Variants in MTUS2 observed in about 807,000 individuals in gnomAD.
MTUS2 encodes the protein microtubule associated scaffold protein 2.
MTUS2 carries 40 observed loss-of-function variants against 114.1 expected under a neutral mutation model. The observed-to-expected ratio is 0.35, with a 90% CI of 0.27 to 0.46. MTUS2 has a LOEUF of 0.46. Among genes scored for constraint, MTUS2 ranks in the 20% least tolerant of loss-of-function variants. The pLI is 1.00. For synonymous variants in MTUS2, 688 were observed against 672.0 expected, an observed-to-expected ratio of 1.02 and a Z score of -0.37; for missense variants, 1,679 against 1,705.4, an observed-to-expected ratio of 0.98 and a Z score of 0.27.
chr13:29,071,457 C>T (rs1357700861), intron 4 of MTUS2, among the ~76,000 whole-genome samples: 1 of 84,468 alleles, frequency 1.2e-5, no homozygotes, highest in Non-Finnish European at 2.1e-5. Context: ...ACAGAGTCTC[C>T]CTCTGTTGCC....
intron 5 of MTUS2, among the ~76,000 whole-genome samples, chr13:29,158,358 C>CCCCCCCCCCTCTTTTT: frequency 6.2e-5 from 2 of 32,050 alleles, no homozygotes; most frequent in Non-Finnish European, 1.0e-4. Context: ...GTCCACCCCG[C>CCCCCCCCCCTCTTTTT]TTTTTTTTTT....
intron 9 of MTUS2, chr13:29,476,752 T>TC (rs1880735137): frequency 6.6e-6 from 1 of 152,178 alleles, no homozygotes; most frequent in Non-Finnish European, 1.5e-5. Context: ...GGCAGCTGGA[T>TC]TAGTTATATT....
At chr13:29,006,139 G>C (rs1429360361) in intron 2 of MTUS2, among the ~76,000 whole-genome samples, 1 of 152,170 alleles carries the variant, frequency 6.6e-6, no homozygotes, top group Non-Finnish European at 1.5e-5. Context: ...GTAGGTGGAC[G>C]TGGAGCAGCT....
intron 2 of MTUS2, among the ~76,000 whole-genome samples, chr13:28,962,128 A>G (rs961707648): frequency 5.9e-5 from 9 of 151,680 alleles, no homozygotes; most frequent in African/African-American, 2.2e-4. Context: ...TCTGAAAAAT[A>G]TACATTTTTC....
At chr13:28,876,920 G>C (rs1166010758) in intron 2 of MTUS2, among the ~76,000 whole-genome samples, 3 of 151,980 alleles carry the variant, frequency 2.0e-5, no homozygotes, top group African/African-American at 7.3e-5. Flanking sequence ...TTTAATTTCT[G>C]AGTTCTATGA....
At chr13:29,077,921 A>G (rs796224256) in intron 4 of MTUS2, among the ~76,000 whole-genome samples, 6 of 152,336 alleles carry the variant, frequency 3.9e-5, no homozygotes, top group African/African-American at 1.2e-4. Context: ...AATCAATACA[A>G]AAAGGGAAAA....
chr13:29,044,244 T>C (rs1223999826), intron 4 of MTUS2, among the ~76,000 whole-genome samples: 1 of 151,688 alleles, frequency 6.6e-6, no homozygotes, highest in Non-Finnish European at 1.5e-5. Context: ...TTTCTTTAAA[T>C]ATTTAAAGAT....
At chr13:29,404,177 A>AG (rs1874574023) in intron 8 of MTUS2, among the ~76,000 whole-genome samples, 1 of 5,186 alleles carries the variant, frequency 1.9e-4, no homozygotes, top group Admixed American at 2.5e-3. Context: ...CCATCTCTAC[A>AG]AAAAAAAAAA....
At chr13:28,902,422 T>G (rs1879699157) in intron 2 of MTUS2, among the ~76,000 whole-genome samples, 1 of 152,098 alleles carries the variant, frequency 6.6e-6, no homozygotes, top group African/African-American at 2.4e-5. Context: ...ATTCAGGCAT[T>G]AAGAAATGCA....
chr13:28,937,654 T>C (rs934959979), intron 2 of MTUS2, among the ~76,000 whole-genome samples: 1 of 152,186 alleles, frequency 6.6e-6, no homozygotes, highest in African/African-American at 2.4e-5. Flanking sequence ...GTCATGGCTG[T>C]CATCCTGGCA....
chr13:29,402,894 G>T (rs1042727846), intron 8 of MTUS2, among the ~76,000 whole-genome samples: 2 of 152,072 alleles, frequency 1.3e-5, no homozygotes, highest in Non-Finnish European at 1.5e-5. Context: ...ATGCCACCAC[G>T]CCCAGCTAAT....
intron 2 of MTUS2, among the ~76,000 whole-genome samples, chr13:28,974,962 G>A (rs3956272): frequency 0.24 from 36,622 of 152,114 alleles, 4,727 homozygotes; most frequent in East Asian, 0.47. Context: ...ATATAATGAG[G>A]GTTGGTCCAT....
At chr13:29,242,243 C>A (rs376987980) in intron 5 of MTUS2, among the ~76,000 whole-genome samples, 1 of 152,148 alleles carries the variant, frequency 6.6e-6, no homozygotes, top group Non-Finnish European at 1.5e-5. Context: ...TATGGTTAAT[C>A]CCTATTTCTA....
intron 7 of MTUS2, among the ~76,000 whole-genome samples, chr13:29,338,590 A>G (rs943440046): frequency 7.2e-5 from 10 of 139,400 alleles, no homozygotes; most frequent in Non-Finnish European, 1.4e-4. Flanking sequence ...ACTCCATCTC[A>G]GAAAACAAAA....
chr13:29,418,162 T>C (rs1469783554), intron 8 of MTUS2, among the ~76,000 whole-genome samples: 6 of 152,314 alleles, frequency 3.9e-5, no homozygotes, highest in South Asian at 4.1e-4. Flanking sequence ...CAGTGCCCAA[T>C]AGTCCTTGAA....
intron 9 of MTUS2, among the ~76,000 whole-genome samples, chr13:29,459,852 T>C (rs2138784167): frequency 6.6e-6 from 1 of 152,218 alleles, no homozygotes; most frequent in Middle Eastern, 3.4e-3. Context: ...TCCCATAAGA[T>C]AGCCACATGC....
In MTUS2 at chr13:29,505,400, A is replaced by C. The variant is rs2139042329; in HGVS notation, c.*2194A>C. The C allele has an allele frequency of 4.3e-6, 1 of 231,310 alleles. No homozygotes were observed. The highest frequency in any genetic ancestry group is 6.1e-5 in the East Asian group (1 of 16,344). The allele number at this position is 231,310 out of a possible 1,614,324, so 14.3% of individuals were successfully genotyped here. On this transcript the variant is annotated 3_prime_UTR_variant, in exon 16 of 16. Coordinates refer to ENST00000612955, the MANE Select transcript of MTUS2 (RefSeq NM_001033602.4). The stretch of plus-strand genomic sequence containing the variant: ...TGGACTTCGGTGAGAGCTTTGCCCT[A>C]ACCTGCCCTGACCTTGGGTACTTGA...
chr13:29,078,990 T>G (rs1407963402), intron 4 of MTUS2, among the ~76,000 whole-genome samples: 1 of 152,216 alleles, frequency 6.6e-6, no homozygotes, highest in Admixed American at 6.5e-5. Context: ...TCCAAGAAAC[T>G]GCCAGGCTGT....
At chr13:28,935,709 T>G (rs553053013) in intron 2 of MTUS2, among the ~76,000 whole-genome samples, 8 of 152,240 alleles carry the variant, frequency 5.3e-5, no homozygotes, top group Middle Eastern at 3.4e-3. Flanking sequence ...AATGCAATTA[T>G]AAACATTTTA....
Sources: gnomAD v4.1 joint callset for allele counts (sites outside exome capture counted in the v4.1 genomes callset) on GRCh38, gnomAD v4.1.1 for gene constraint, MANE v1.5 for transcripts, NCBI Gene and HGNC (gene_info 2026-07-23, HGNC 2026-07-21) for gene names.